Variants in CAMTA1 observed in about 807,000 individuals in gnomAD.
CAMTA1 encodes the protein calmodulin binding transcription activator 1, also known as calmodulin-binding transcription activator 1.
Under a neutral mutation model 170.9 loss-of-function variants are expected in CAMTA1, and 27 were observed. That is an observed-to-expected ratio of 0.16 (90% confidence interval 0.12 to 0.22). The LOEUF (loss-of-function observed/expected upper bound fraction) is 0.22. CAMTA1 is among the 10% of genes least tolerant of loss of function. The pLI, the probability that CAMTA1 is intolerant of heterozygous loss-of-function variation, is 1.00. For missense variants in CAMTA1, 1,619 were observed against 2,217.2 expected (o/e 0.73, Z 5.42); for synonymous variants, 833 against 891.5 (o/e 0.93, Z 1.17).
intron 6 of CAMTA1, among the ~76,000 whole-genome samples, chr1:7,630,048 T>A (rs2095658593): frequency 6.6e-6 from 1 of 152,162 alleles, no homozygotes; most frequent in South Asian, 2.1e-4. Context: ...AACGTGGAGA[T>A]TTTATCGGAC....
intron 5 of CAMTA1, chr1:7,440,984 A>T (rs1455820572): frequency 6.6e-5 from 10 of 152,192 alleles, no homozygotes; most frequent in Admixed American, 6.5e-4. Flanking sequence ...TCTCCATTTG[A>T]CTGGTCCTAC....
chr1:7,558,806 G>C (rs1239930583), intron 6 of CAMTA1, among the ~76,000 whole-genome samples: 2 of 152,262 alleles, frequency 1.3e-5, no homozygotes, highest in African/African-American at 4.8e-5. Context: ...GATTTCAGCA[G>C]CTGTAGTCAT....
At chr1:6,817,439 C>T (rs12058625) in intron 1 of CAMTA1, among the ~76,000 whole-genome samples, 9,840 of 152,246 alleles carry the variant, frequency 0.065, 351 homozygotes, top group Middle Eastern at 0.099. Flanking sequence ...TACAAGAAGT[C>T]AGCGTGCTGC....
chr1:7,750,854 T>C, intron 19 of CAMTA1: 1 of 301,544 alleles, frequency 3.3e-6, no homozygotes, highest in South Asian at 3.3e-5. Flanking sequence ...GGATAGAAAA[T>C]ATTAATCCGA....
In CAMTA1 at chr1:7,745,813, A is replaced by G. The variant is rs371642411; in HGVS notation, c.4371-32A>G. 4.3e-6 allele frequency: 7 copies of G among 1,612,328 alleles called. No homozygotes were observed. In the East Asian group the frequency reaches 8.9e-5, roughly 21 times the overall value. On this transcript the variant is annotated intron_variant, in intron 17 of 22. Coordinates refer to ENST00000303635, the MANE Select transcript of CAMTA1 (RefSeq NM_015215.4). ...AATGGGTGGTGCAAATCAATCATTA[A>G]TCTGTCTCTCCTTTTTCTCCTCTTG...
intron 3 of CAMTA1, among the ~76,000 whole-genome samples, chr1:7,032,381 G>C (rs1702932892): frequency 1.3e-5 from 2 of 152,048 alleles, no homozygotes; most frequent in African/African-American, 4.8e-5. Flanking sequence ...GCTTGTTTTA[G>C]AGTTTTTAGC....
chr1:7,754,645 TTAA>T (rs1456018479), intron 21 of CAMTA1, among the ~76,000 whole-genome samples: 6 of 152,244 alleles, frequency 3.9e-5, no homozygotes, highest in Admixed American at 3.9e-4. Context: ...ATTTTAACTG[TTAA>T]TAACCTTATA....
intron 11 of CAMTA1, among the ~76,000 whole-genome samples, chr1:7,705,308 A>G (rs2096503084): frequency 6.9e-6 from 1 of 145,140 alleles, no homozygotes; most frequent in Non-Finnish European, 1.5e-5. Flanking sequence ...GGGTGTGTCG[A>G]CGCCCGAGCC....
At chr1:7,011,097 G>C (rs1475474163) in intron 3 of CAMTA1, among the ~76,000 whole-genome samples, 1 of 152,246 alleles carries the variant, frequency 6.6e-6, no homozygotes, top group Non-Finnish European at 1.5e-5. Flanking sequence ...ACTGGCTTCT[G>C]TCTTGGCATG....
At chr1:7,690,945 C>T (rs1031341065) in intron 11 of CAMTA1, among the ~76,000 whole-genome samples, 5 of 152,346 alleles carry the variant, frequency 3.3e-5, no homozygotes, top group South Asian at 4.1e-4. Context: ...TCACGACAAC[C>T]GTCAGTGGAG....
chr1:6,813,313 T>C (rs2148371416), intron 1 of CAMTA1, among the ~76,000 whole-genome samples: 1 of 152,248 alleles, frequency 6.6e-6, no homozygotes, highest in South Asian at 2.1e-4. Flanking sequence ...AACATGTCTT[T>C]TGACAGACCT....
At chr1:6,861,704 A>T (rs1004899088) in intron 3 of CAMTA1, among the ~76,000 whole-genome samples, 1 of 152,212 alleles carries the variant, frequency 6.6e-6, no homozygotes, top group Admixed American at 6.5e-5. Context: ...AAACTGCTTT[A>T]AAAAATTTTT....
chr1:7,657,582 C>A (rs4908666), intron 7 of CAMTA1, among the ~76,000 whole-genome samples: 140,224 of 152,104 alleles, frequency 0.92, 64,688 homozygotes, highest in East Asian at 1. Context: ...GCCGAGGGGG[C>A]GGCCGGCATG....
chr1:6,828,058 C>T lies in CAMTA1; in HGVS notation c.234+2848C>T, dbSNP rs554875761. Among the ~76,000 whole-genome samples, 23 of 152,182 alleles carry T rather than the reference C, an allele frequency of 1.5e-4. 2 individuals are homozygous for T. The South Asian group carries it at 4.1e-3, about 27-fold the overall frequency. Reference sequence around the variant, plus strand: ...TGTTCACAAAGTAAGACTGGTGGCTCGAGCTGCCTGTATGAAATGTCAACT... The same window carrying T: ...TGTTCACAAAGTAAGACTGGTGGCTTGAGCTGCCTGTATGAAATGTCAACT... On this transcript the variant is annotated intron_variant, in intron 3 of 22. Transcript: ENST00000303635.
chr1:7,202,245 G>A (rs1656845061), intron 4 of CAMTA1, among the ~76,000 whole-genome samples: 1 of 152,142 alleles, frequency 6.6e-6, no homozygotes, highest in South Asian at 2.1e-4. Flanking sequence ...CTATTGATCT[G>A]TACGTCTCCT....
chr1:7,085,534 G>C (rs1395130524), intron 3 of CAMTA1, among the ~76,000 whole-genome samples: 3 of 152,260 alleles, frequency 2.0e-5, no homozygotes, highest in African/African-American at 7.2e-5. Flanking sequence ...GAAAGTCTGA[G>C]CAGTGCAGCC....
intron 4 of CAMTA1, among the ~76,000 whole-genome samples, chr1:7,150,491 C>A (rs574229317): frequency 6.6e-6 from 1 of 152,068 alleles, no homozygotes; most frequent in Admixed American, 6.5e-5. Flanking sequence ...ATGGACATTC[C>A]AGGCTGGATA....
chr1:7,303,018 C>CTGTG (rs1480412478), intron 5 of CAMTA1, among the ~76,000 whole-genome samples: 1 of 152,208 alleles, frequency 6.6e-6, no homozygotes, highest in African/African-American at 2.4e-5. Context: ...CTCTCTGTGT[C>CTGTG]TGTGTCCTCA....
intron 3 of CAMTA1, among the ~76,000 whole-genome samples, chr1:7,084,693 G>T (rs952335654): frequency 2.6e-5 from 4 of 152,190 alleles, no homozygotes; most frequent in South Asian, 2.1e-4. Context: ...GGCTCCAGGA[G>T]GCATATGTGT....
Sources: gnomAD v4.1 joint callset for allele counts (sites outside exome capture counted in the v4.1 genomes callset) on GRCh38, gnomAD v4.1.1 for gene constraint, MANE v1.5 for transcripts, NCBI Gene and HGNC (gene_info 2026-07-23, HGNC 2026-07-21) for gene names.